ARHGEF9: variants seen among roughly 807,000 people sequenced by gnomAD.
ARHGEF9 encodes the protein rho guanine nucleotide exchange factor 9.
In ARHGEF9, 2 loss-of-function variants were observed where a neutral mutation model predicts 41.3. The ratio of observed to expected loss-of-function variants is 0.05; its 90% CI spans 0.02 to 0.15. The LOEUF (loss-of-function observed/expected upper bound fraction) is 0.15, where lower values mean the gene tolerates loss of function less well. Among genes scored for constraint, ARHGEF9 ranks in the 10% least tolerant of loss-of-function variants. The pLI is 1.00. For missense variants in ARHGEF9, 225 were observed against 424.7 expected (o/e 0.53, Z 4.13); for synonymous variants, 160 against 154.4 (o/e 1.04, Z -0.27).
At chrX:63,754,255 A>G in intron 1 of ARHGEF9, 1 of 1,176,790 alleles carries the variant, frequency 8.5e-7, no homozygotes, top group East Asian at 3.0e-5. Flanking sequence ...ACGCGCAGGC[A>G]TTCTTAAAAG....
chrX:63,719,409 T>G (rs1556412164), intron 2 of ARHGEF9, among the ~76,000 whole-genome samples: 2 of 112,143 alleles, frequency 1.8e-5, no homozygotes, highest in Non-Finnish European at 3.8e-5. Context: ...AGCCTGCCCT[T>G]TCTTGATTAT....
At chrX:63,694,516 A>C (rs1240125636) in intron 4 of ARHGEF9, among the ~76,000 whole-genome samples, 1 of 112,817 alleles carries the variant, frequency 8.9e-6, no homozygotes, top group Non-Finnish European at 1.9e-5. Context: ...GCTACTAAGC[A>C]ATAAAAAAGG....
intron 1 of ARHGEF9, among the ~76,000 whole-genome samples, chrX:63,764,482 G>T (rs2056083476): frequency 8.9e-6 from 1 of 112,259 alleles, no homozygotes; most frequent in South Asian, 3.6e-4. Flanking sequence ...TATACCCAAA[G>T]GAATATAAAT....
chrX:63,699,340 C>T (rs782442531), intron 3 of ARHGEF9, among the ~76,000 whole-genome samples: 1 of 111,486 alleles, frequency 9.0e-6, no homozygotes, highest in Non-Finnish European at 1.9e-5. Context: ...AAGAGGGCAG[C>T]GTAGATAGCT....
At chrX:63,730,289 C>T (rs1236405558) in intron 1 of ARHGEF9, among the ~76,000 whole-genome samples, 1 of 112,539 alleles carries the variant, frequency 8.9e-6, no homozygotes, top group Non-Finnish European at 1.9e-5. Flanking sequence ...CTATAATTCT[C>T]CAATGTAAGC....
intron 1 of ARHGEF9, among the ~76,000 whole-genome samples, chrX:63,736,427 T>G (rs1470450233): frequency 9.0e-6 from 1 of 110,650 alleles, no homozygotes; most frequent in Non-Finnish European, 1.9e-5. Flanking sequence ...GAACTCCTTT[T>G]AACTGTCTCA....
intron 6 of ARHGEF9, among the ~76,000 whole-genome samples, chrX:63,668,515 A>G (rs1170970029): frequency 8.9e-6 from 1 of 111,915 alleles, no homozygotes; most frequent in African/African-American, 3.3e-5. Context: ...CTCTATGCTC[A>G]CCAAGCTGAC....
chrX:63,650,635 T>C (rs1380066710), intron 8 of ARHGEF9, among the ~76,000 whole-genome samples: 1 of 110,146 alleles, frequency 9.1e-6, no homozygotes, highest in Non-Finnish European at 1.9e-5. Context: ...TCAAAATAGC[T>C]AAAAAAAATA....
intron 1 of ARHGEF9, among the ~76,000 whole-genome samples, chrX:63,765,570 G>A (rs1237112884): frequency 1.8e-5 from 2 of 110,760 alleles, no homozygotes; most frequent in African/African-American, 6.6e-5. Context: ...GTGGGGGTGG[G>A]GTGGTTCATC....
intron 1 of ARHGEF9, among the ~76,000 whole-genome samples, chrX:63,757,147 T>C (rs1173002575): frequency 2.7e-5 from 3 of 111,656 alleles, no homozygotes; most frequent in Non-Finnish European, 5.6e-5. Context: ...TCTGAGTTCT[T>C]CTGATTGCAG....
intron 7 of ARHGEF9, among the ~76,000 whole-genome samples, chrX:63,658,558 T>G (rs1339324389): frequency 9.0e-6 from 1 of 111,471 alleles, no homozygotes; most frequent in African/African-American, 3.3e-5. Context: ...CTCTGTAAAA[T>G]AGCTATAAAG....
At chrX:63,686,361 T>A (rs1256196162) in intron 4 of ARHGEF9, among the ~76,000 whole-genome samples, 17 of 110,887 alleles carry the variant, frequency 1.5e-4, no homozygotes, top group African/African-American at 5.6e-4. Flanking sequence ...GAGACGGAAG[T>A]GTGAGCAGGT....
At chrX:63,640,497 C>T (rs1201632036) in intron 9 of ARHGEF9, 6 of 112,181 alleles carry the variant, frequency 5.3e-5, no homozygotes, top group African/African-American at 1.9e-4. Flanking sequence ...GAGATGGAGT[C>T]TGTGCTCATA....
In ARHGEF9 at chrX:63,640,202, T is replaced by A. The variant is rs1486453017; in HGVS notation, c.1391-1993A>T. ...ATTTGATCATTACACATTGTATGCA[T>A]ATCAAAATATCACATGTACTCAGTA... On this transcript the variant is annotated intron_variant, in intron 9 of 9. Transcript: ENST00000671741. 5 of 112,366 alleles carry A rather than the reference T, an allele frequency of 4.4e-5. No individual in the cohort carries two copies. The East Asian group carries it at 1.4e-3, about 31-fold the overall frequency. 9.3% of individuals were successfully genotyped at this position (112,366 alleles called of 1,213,427 possible).
intron 1 of ARHGEF9, among the ~76,000 whole-genome samples, chrX:63,767,679 G>A (rs782238972): frequency 2.8e-4 from 31 of 112,270 alleles, no homozygotes; most frequent in Non-Finnish European, 5.1e-4. Context: ...ACAGTGCCTG[G>A]CACAAAATAA....
At chrX:63,713,413 G>C (rs1476224333) in intron 2 of ARHGEF9, among the ~76,000 whole-genome samples, 2 of 109,661 alleles carry the variant, frequency 1.8e-5, no homozygotes, top group African/African-American at 6.7e-5. Context: ...TGAGATTACT[G>C]TCTCCCAAGG....
intron 1 of ARHGEF9, among the ~76,000 whole-genome samples, chrX:63,731,064 G>A (rs2054251947): frequency 8.9e-6 from 1 of 112,136 alleles, no homozygotes; most frequent in African/African-American, 3.2e-5. Context: ...GTTAAAAAAT[G>A]TGAACCTCAC....
rs781941581 is a variant in ARHGEF9 at position 63,724,760 on chromosome X, TG to T, written c.31-50del. On this transcript the variant is annotated intron_variant, in intron 1 of 9. Coordinates refer to ENST00000671741, the MANE Select transcript of ARHGEF9 (RefSeq NM_001353921.2). ...GTTCAGTCCACACAGCTACCTTGCT[TG>T]CCCCTTCCCCCACCCACAGAGCTCT... 4 of 1,144,211 alleles carry T rather than the reference TG, an allele frequency of 3.5e-6. No homozygotes were observed. The South Asian group carries it at 7.2e-5, about 21-fold the overall frequency. 94.3% of individuals were successfully genotyped at this position (1,144,211 alleles called of 1,213,427 possible).
At chrX:63,732,923 G>A (rs1190517413) in intron 1 of ARHGEF9, among the ~76,000 whole-genome samples, 3 of 111,660 alleles carry the variant, frequency 2.7e-5, no homozygotes, top group Non-Finnish European at 5.6e-5. Context: ...TGTGATTGTG[G>A]CCGACCTACT....
Sources: allele counts gnomAD v4.1 joint callset (sites outside exome capture counted in the v4.1 genomes callset), GRCh38; gene constraint gnomAD v4.1.1; transcripts MANE v1.5; gene names NCBI Gene and HGNC (gene_info 2026-07-23, HGNC 2026-07-21).